Variants in PDIA5 observed in about 807,000 individuals in gnomAD.
The protein encoded by PDIA5 is protein disulfide isomerase family A member 5.
Under a neutral mutation model 77.6 loss-of-function variants are expected in PDIA5, and 58 were observed. The ratio of observed to expected loss-of-function variants is 0.75; its 90% CI spans 0.61 to 0.93. The LOEUF is 0.93. Among genes scored for constraint, PDIA5 ranks in the 40% least tolerant of loss-of-function variants. The probability of loss-of-function intolerance (pLI) is 0.00; values close to 1 mark genes in which losing one functional copy is unlikely to be tolerated. For synonymous variants in PDIA5, 250 were observed against 252.1 expected (o/e 0.99, Z 0.08); for missense variants, 630 against 647.7 (o/e 0.97, Z 0.30).
At chr3:123,099,267 T>G (rs1934523048) in intron 3 of PDIA5, among the ~76,000 whole-genome samples, 1 of 152,214 alleles carries the variant, frequency 6.6e-6, no homozygotes, top group African/African-American at 2.4e-5. Flanking sequence ...TATCATTCAT[T>G]TCAGCCATTC....
chr3:123,161,415 A>G lies in PDIA5; in HGVS notation c.1439A>G (p.His480Arg). 1 of 1,614,092 alleles carries G rather than the reference A, an allele frequency of 6.2e-7. No homozygotes were observed. Among genetic ancestry groups the G allele is most frequent in the Non-Finnish European group, 8.5e-7 (1 of 1,179,988 alleles). Reference protein sequence around the residue: ...VKGYPTFHYYHYGKFAEKYDS... With the variant: ...VKGYPTFHYYRYGKFAEKYDS... ...GGCTACCCCACTTTCCACTACTACC[A>G]CTATGGGAAGTTCGCAGAAAAGTAT... The change falls in exon 16 of 17, where the codon CAC (histidine) becomes CGC (arginine). Residue 480 changes from histidine to arginine, a missense_variant. By Grantham distance (29) the His-to-Arg change is conservative. Transcript: ENST00000316218.
At chr3:123,079,240 G>C (rs9878072) in intron 1 of PDIA5, among the ~76,000 whole-genome samples, 19,434 of 141,906 alleles carry the variant, frequency 0.14, 1,517 homozygotes, top group Non-Finnish European at 0.18. Context: ...GAGTGCAATG[G>C]TGCGATCTCG....
In PDIA5 at chr3:123,150,306, C is replaced by A. The variant is rs752407508; in HGVS notation, c.1215C>A (p.Asp405Glu). Residue 405 changes from aspartate (D) to glutamate (E), a missense_variant, in exon 14 of 17, where the codon GAC (aspartate) becomes GAA (glutamate). By Grantham distance (45) the Asp-to-Glu change is conservative. Coordinates refer to ENST00000316218, the MANE Select transcript of PDIA5 (RefSeq NM_006810.4). ...CAAGCGTGTTGCACCTGGTGGGGGACAACTTCCGGGAGACCCTGAAGAAGA... is the reference window on the plus strand; with the variant it reads ...CAAGCGTGTTGCACCTGGTGGGGGAAAACTTCCGGGAGACCCTGAAGAAGA... ...QQTSVLHLVG[D>E]NFRETLKKKK... 2 of 1,613,904 alleles carry A rather than the reference C, an allele frequency of 1.2e-6. No homozygotes were observed. Among genetic ancestry groups the A allele is most frequent in the Non-Finnish European group, 1.7e-6 (2 of 1,179,906 alleles).
intron 2 of PDIA5, among the ~76,000 whole-genome samples, chr3:123,092,021 G>A (rs958223537): frequency 1.3e-5 from 2 of 152,186 alleles, no homozygotes; most frequent in African/African-American, 4.8e-5. Context: ...GACATGAGTC[G>A]GAGACTTTAC....
At chr3:123,158,608 G>C (rs1560568233) in intron 15 of PDIA5, among the ~76,000 whole-genome samples, 1 of 152,310 alleles carries the variant, frequency 6.6e-6, no homozygotes, top group East Asian at 1.9e-4. Context: ...AAGAAGCCAG[G>C]GTCCTTGTTC....
At chr3:123,109,650 A>G (rs1346633499) in intron 6 of PDIA5, among the ~76,000 whole-genome samples, 3 of 152,164 alleles carry the variant, frequency 2.0e-5, no homozygotes, top group Non-Finnish European at 4.4e-5. Flanking sequence ...AAGTTAATGC[A>G]CATTCATTGT....
At chr3:123,104,747 C>T (rs934370354) in intron 5 of PDIA5, among the ~76,000 whole-genome samples, 4 of 152,192 alleles carry the variant, frequency 2.6e-5, no homozygotes. Flanking sequence ...TCAGATGACT[C>T]ACTGATGACC....
At position 123,111,001 on chromosome 3, in the gene PDIA5, C is replaced by T. The variant is rs144920799; in HGVS notation, c.538C>T (p.Pro180Ser). 1.3e-3 allele frequency: 2,058 copies of T among 1,613,086 alleles called. 30 individuals are homozygous for T. The highest frequency in any genetic ancestry group is 8.0e-5 in the African/African-American group (6 of 74,976). ...EKPLLIMFYA[P>S]WCSMCKRMMP... ...GCCGCTCCTGATCATGTTTTATGCC[C>T]CCTGTGAGTGAACTTTCTCCCTTGG... Residue 180 changes from proline (P) to serine (S), a missense_variant, in exon 7 of 17, where the codon CCC becomes TCC. By Grantham distance (74) the Pro-to-Ser change is moderately conservative. Coordinates refer to ENST00000316218, the MANE Select transcript of PDIA5 (RefSeq NM_006810.4).
intron 1 of PDIA5, among the ~76,000 whole-genome samples, chr3:123,075,015 A>T (rs1415426609): frequency 6.6e-6 from 1 of 152,210 alleles, no homozygotes; most frequent in African/African-American, 2.4e-5. Flanking sequence ...GATGCAAATT[A>T]TTTCTGTTTG....
At chr3:123,075,991 C>T in intron 1 of PDIA5, among the ~76,000 whole-genome samples, 1 of 152,142 alleles carries the variant, frequency 6.6e-6, no homozygotes, top group East Asian at 1.9e-4. Context: ...GTCACTTGGC[C>T]TGAGCATGTG....
At chr3:123,160,077 A>G (rs1041130999) in intron 15 of PDIA5, among the ~76,000 whole-genome samples, 5 of 152,262 alleles carry the variant, frequency 3.3e-5, no homozygotes, top group African/African-American at 9.6e-5. Flanking sequence ...GTCATACAGC[A>G]GACGCTTGAT....
intron 15 of PDIA5, among the ~76,000 whole-genome samples, chr3:123,156,714 A>G (rs888463809): frequency 6.6e-6 from 1 of 152,192 alleles, no homozygotes; most frequent in African/African-American, 2.4e-5. Context: ...GTCCTGAGGC[A>G]TGACTGGCAG....
chr3:123,161,444 A>G lies in PDIA5; in HGVS notation c.1468A>G (p.Ser490Gly), dbSNP rs1402589049. The change falls in exon 16 of 17, where the codon AGC becomes GGC. Residue 490 changes from serine to glycine, a missense_variant. By Grantham distance (56) the Ser-to-Gly change is moderately conservative (BLOSUM62 0). Transcript: ENST00000316218. ...TGGGAAGTTCGCAGAAAAGTATGAC[A>G]GCGACCGCACAGTAAGTGGGGGAGA... ...HYGKFAEKYD[S>G]DRTELGFTNY... The G allele has an allele frequency of 3.1e-6, 5 of 1,613,824 alleles. No homozygotes were observed. The African/African-American group carries it at 5.3e-5, about 17-fold the overall frequency.
At chr3:123,081,761 CAG>C (rs1439016386) in intron 1 of PDIA5, among the ~76,000 whole-genome samples, 4 of 152,058 alleles carry the variant, frequency 2.6e-5, no homozygotes, top group Non-Finnish European at 5.9e-5. Context: ...TCTATAATGA[CAG>C]ACGGCTTTGC....
chr3:123,110,895 T>C, intron 6 of PDIA5, 49 bp from the exon 7 acceptor site: 1 of 1,461,052 alleles, frequency 6.8e-7, no homozygotes, highest in Non-Finnish European at 9.6e-7. Context: ...GGTCTCATCC[T>C]GTTACTGTGT....
chr3:123,123,947 T>G, intron 8 of PDIA5, 119 bp from the exon 9 acceptor site: 1 of 700,412 alleles, frequency 1.4e-6, no homozygotes, highest in South Asian at 1.6e-5. Context: ...TGCACATCAG[T>G]CTGTGGGGCT....
intron 1 of PDIA5, among the ~76,000 whole-genome samples, chr3:123,074,936 C>A (rs1320678431): frequency 6.6e-6 from 1 of 152,056 alleles, no homozygotes; most frequent in African/African-American, 2.4e-5. Flanking sequence ...ACCTAAGGAC[C>A]AGCTGTGTTC....
intron 8 of PDIA5, among the ~76,000 whole-genome samples, chr3:123,119,526 C>T (rs772884880): frequency 7.2e-5 from 11 of 152,184 alleles, no homozygotes; most frequent in Non-Finnish European, 1.0e-4. Flanking sequence ...AAGTTCTAGC[C>T]CTTTCCCAGC....
In PDIA5 at chr3:123,079,432, G is replaced by A. The variant is rs539177031; in HGVS notation, c.43-9736G>A. 8.6e-5 allele frequency among the ~76,000 whole-genome samples: 13 copies of A among 151,964 alleles called. 1 individual carries two copies. The South Asian group carries it at 1.5e-3, about 17-fold the overall frequency. On this transcript the variant is annotated intron_variant, in intron 1 of 16. Coordinates refer to ENST00000316218, the MANE Select transcript of PDIA5 (RefSeq NM_006810.4). ...CCTGACCTCGTGATCCGCCCACCTC[G>A]GCCTCCCAAAGTGAATTCTATTTTT... is the stretch of plus-strand genomic sequence containing the variant.
Sources: allele counts gnomAD v4.1 joint callset (sites outside exome capture counted in the v4.1 genomes callset), GRCh38; gene constraint gnomAD v4.1.1; transcripts MANE v1.5; gene names NCBI Gene and HGNC (gene_info 2026-07-23, HGNC 2026-07-21).